GFRAL: variants seen among roughly 807,000 people sequenced by gnomAD.
GFRAL encodes the protein GDNF family receptor alpha like, also known as GDNF family receptor alpha-like.
GFRAL carries 36 observed loss-of-function variants against 45.4 expected under a neutral mutation model. That is an observed-to-expected ratio of 0.79 (90% CI 0.61 to 1.05). GFRAL has a LOEUF of 1.05. Ranked by LOEUF, GFRAL falls within the 50% of genes least tolerant of loss-of-function variation. The pLI, the probability that GFRAL is intolerant of heterozygous loss-of-function variation, is 0.00. For synonymous variants in GFRAL, 166 were observed against 154.1 expected, an observed-to-expected ratio of 1.08 and a Z score of -0.57; for missense variants, 507 against 467.5, an observed-to-expected ratio of 1.08 and a Z score of -0.78.
chr6:55,338,454 T>C (rs1237796566), intron 3 of GFRAL, among the ~76,000 whole-genome samples: 1 of 152,194 alleles, frequency 6.6e-6, no homozygotes, highest in Non-Finnish European at 1.5e-5. Flanking sequence ...ATTTCTAGTT[T>C]AATTTCAGTA....
chr6:55,384,851 T>C (rs1038087031), intron 6 of GFRAL, among the ~76,000 whole-genome samples: 10 of 111,752 alleles, frequency 8.9e-5, no homozygotes, highest in Non-Finnish European at 3.8e-5. Context: ...CCTAGATTTC[T>C]CCAAAAAGCA....
intron 6 of GFRAL, among the ~76,000 whole-genome samples, chr6:55,392,618 A>G (rs1456590340): frequency 6.6e-6 from 1 of 152,184 alleles, no homozygotes; most frequent in African/African-American, 2.4e-5. Flanking sequence ...CTAAGCAACA[A>G]TAAGAATAGC....
chr6:55,377,635 G>A (rs989629150), intron 6 of GFRAL, among the ~76,000 whole-genome samples: 2 of 151,984 alleles, frequency 1.3e-5, no homozygotes, highest in Non-Finnish European at 2.9e-5. Context: ...AGTTTAGCTC[G>A]ATACCTTGGA....
In GFRAL at chr6:55,399,255, G is replaced by A. The variant is rs763958116; in HGVS notation, c.1028G>A (p.Gly343Glu). ...RKHANKITLTGFHSPFNGEVI... is the reference protein window; with the variant it reads ...RKHANKITLTEFHSPFNGEVI... ...CATGCAAACAAAATCACTTTAACTG[G>A]ATTTCATTCCCCCTTCAATGGTCAG... The change falls in exon 7 of 9, where the codon GGA becomes GAA. Residue 343 changes from glycine to glutamate, a missense_variant. Coordinates refer to ENST00000340465, the MANE Select transcript of GFRAL (RefSeq NM_207410.2). The A allele has an allele frequency of 1.3e-6, 2 of 1,599,818 alleles. No individual in the cohort carries two copies. The highest frequency in any genetic ancestry group is 1.3e-5 in the African/African-American group (1 of 74,516).
At chr6:55,334,518 A>G (rs2127350236) in intron 3 of GFRAL, among the ~76,000 whole-genome samples, 1 of 152,344 alleles carries the variant, frequency 6.6e-6, no homozygotes, top group South Asian at 2.1e-4. Flanking sequence ...GCGAGATCAA[A>G]CAGTTCTAAA....
Position 55,378,245 on chromosome 6 carries a change from A to G in GFRAL, c.952+19107A>G, listed in dbSNP as rs559399532. Among the ~76,000 whole-genome samples, 3 of 152,192 alleles carry G rather than the reference A, an allele frequency of 2.0e-5. No individual in the cohort carries two copies. In the East Asian group the frequency reaches 5.8e-4, roughly 30 times the overall value. On this transcript the variant is annotated intron_variant, in intron 6 of 8. Coordinates refer to ENST00000340465, the MANE Select transcript of GFRAL (RefSeq NM_207410.2). ...GCAGCTGCATAAAAAAAGATTAGGCATTCTATGAAGAATTTTGATGGTGGG... is the reference window on the plus strand; with the variant it reads ...GCAGCTGCATAAAAAAAGATTAGGCGTTCTATGAAGAATTTTGATGGTGGG...
At chr6:55,360,175 T>G (rs1768254214) in intron 6 of GFRAL, among the ~76,000 whole-genome samples, 1 of 151,970 alleles carries the variant, frequency 6.6e-6, no homozygotes, top group Non-Finnish European at 1.5e-5. Flanking sequence ...GATGTGATCA[T>G]GTAATAATTC....
At chr6:55,377,706 C>T (rs1768553865) in intron 6 of GFRAL, among the ~76,000 whole-genome samples, 1 of 152,028 alleles carries the variant, frequency 6.6e-6, no homozygotes, top group Admixed American at 6.6e-5. Context: ...TCCAACAAAG[C>T]ATGTAATCTG....
chr6:55,392,122 T>C (rs1171833716), intron 6 of GFRAL, among the ~76,000 whole-genome samples: 1 of 152,164 alleles, frequency 6.6e-6, no homozygotes, highest in Non-Finnish European at 1.5e-5. Flanking sequence ...CCTTCCCTCA[T>C]ATAAACTCCT....
At chr6:55,356,244 T>C (rs1581909761) in intron 5 of GFRAL, among the ~76,000 whole-genome samples, 1 of 151,966 alleles carries the variant, frequency 6.6e-6, no homozygotes, top group Non-Finnish European at 1.5e-5. Flanking sequence ...AAGAATGAGT[T>C]TGGAAGTATT....
chr6:55,342,157 T>A lies in GFRAL; in HGVS notation c.317-7935T>A, dbSNP rs147967161. Among the ~76,000 whole-genome samples, 651 of 152,218 alleles carry A rather than the reference T, an allele frequency of 4.3e-3. 6 individuals are homozygous for A. Among genetic ancestry groups the A allele is most frequent in the African/African-American group, 0.014 (570 of 41,526 alleles). ...TAGCAAGGCAGACCAACATTCAAATTCAGGAAATACAGAGAATGCCACAAA... is the reference window on the plus strand; with the variant it reads ...TAGCAAGGCAGACCAACATTCAAATACAGGAAATACAGAGAATGCCACAAA... On this transcript the variant is annotated intron_variant, in intron 3 of 8. Transcript: ENST00000340465.
At chr6:55,352,037 A>C (rs1208006555) in intron 5 of GFRAL, among the ~76,000 whole-genome samples, 1 of 152,074 alleles carries the variant, frequency 6.6e-6, no homozygotes, top group Non-Finnish European at 1.5e-5. Context: ...TAGCATAAAT[A>C]CTCACATGAG....
chr6:55,351,194 T>G, intron 4 of GFRAL, 59 bp from the exon 5 acceptor site: 3 of 1,189,182 alleles, frequency 2.5e-6, no homozygotes, highest in Non-Finnish European at 3.6e-6. Flanking sequence ...GTTTTATAGT[T>G]TCTGTATGTA....
chr6:55,335,418 G>C (rs1039823363), intron 3 of GFRAL, among the ~76,000 whole-genome samples: 5 of 151,972 alleles, frequency 3.3e-5, no homozygotes, highest in Non-Finnish European at 2.9e-5. Context: ...TATCATTTAA[G>C]AGTGTCTTAA....
At chr6:55,335,251 C>T (rs1767876326) in intron 3 of GFRAL, among the ~76,000 whole-genome samples, 1 of 152,046 alleles carries the variant, frequency 6.6e-6, no homozygotes, top group Non-Finnish European at 1.5e-5. Flanking sequence ...ATGTTGTGTG[C>T]CATCTATCTG....
At chr6:55,393,834 G>A (rs1464118574) in intron 6 of GFRAL, among the ~76,000 whole-genome samples, 1 of 152,118 alleles carries the variant, frequency 6.6e-6, no homozygotes, top group African/African-American at 2.4e-5. Flanking sequence ...AAGATTTGAA[G>A]TAGGGGAAAT....
chr6:55,376,437 C>A (rs779637403), intron 6 of GFRAL, among the ~76,000 whole-genome samples: 1 of 152,016 alleles, frequency 6.6e-6, no homozygotes, highest in African/African-American at 2.4e-5. Context: ...AGAAATGGTA[C>A]CAGCTCTTCT....
intron 6 of GFRAL, among the ~76,000 whole-genome samples, chr6:55,360,388 A>G (rs933888294): frequency 6.8e-6 from 1 of 147,862 alleles, no homozygotes; most frequent in Admixed American, 6.7e-5. Context: ...ACATAGATCT[A>G]TATCTACATC....
At chr6:55,367,848 G>A (rs1288821875) in intron 6 of GFRAL, among the ~76,000 whole-genome samples, 4 of 151,746 alleles carry the variant, frequency 2.6e-5, no homozygotes, top group Admixed American at 6.6e-5. Context: ...AGGGTAACCC[G>A]ACCTTTCTCT....
Sources: gnomAD v4.1 joint callset for allele counts (sites outside exome capture counted in the v4.1 genomes callset) on GRCh38, gnomAD v4.1.1 for gene constraint, MANE v1.5 for transcripts, NCBI Gene and HGNC (gene_info 2026-07-23, HGNC 2026-07-21) for gene names.